The following GREB1L variants were observed in gnomAD, a reference collection of about 807,000 sequenced individuals.
GREB1L encodes the protein GREB1-like protein.
A neutral mutation model predicts 200.8 loss-of-function variants in GREB1L; 17 were observed. The observed-to-expected ratio is 0.08, with a 90% CI of 0.06 to 0.13. The LOEUF (loss-of-function observed/expected upper bound fraction) is 0.13. Ranked by LOEUF, GREB1L falls within the 10% of genes least tolerant of loss-of-function variation. GREB1L has a pLI of 1.00. For synonymous variants in GREB1L, 789 were observed against 893.0 expected, an observed-to-expected ratio of 0.88 and a Z score of 2.08; for missense variants, 1,657 against 2,367.7, an observed-to-expected ratio of 0.70 and a Z score of 6.23.
chr18:21,246,283 CAAT>C (rs1419885485), intron 1 of GREB1L, among the ~76,000 whole-genome samples: 1 of 152,072 alleles, frequency 6.6e-6, no homozygotes, highest in African/African-American at 2.4e-5. Context: ...AGATAAAAAG[CAAT>C]AACACATGAA....
rs1366566081 is a variant in GREB1L, at chr18:21,500,154, A to C, written c.3817A>C (p.Asn1273His). The C allele has an allele frequency of 6.4e-7, 1 of 1,551,466 alleles. No individual in the cohort carries two copies. The highest frequency in any genetic ancestry group is 2.0e-5 in the Admixed American group (1 of 51,000). Reference sequence around the variant, plus strand: ...GGTGAGCTCCCTGCGGCCACTCCTGAACAAGGACATGAGCAGTGAGGAGCA... The same window carrying C: ...GGTGAGCTCCCTGCGGCCACTCCTGCACAAGGACATGAGCAGTGAGGAGCA... ...AWVSSLRPLL[N>H]KDMSSEEQSL... is the part of the protein sequence containing the mutation. Residue 1273 changes from asparagine to histidine, a missense_variant, in exon 22 of 33, where the codon AAC becomes CAC. Coordinates refer to ENST00000424526, the MANE Select transcript of GREB1L (RefSeq NM_001142966.3).
intron 7 of GREB1L, among the ~76,000 whole-genome samples, chr18:21,436,409 G>A (rs774347846): frequency 2.6e-5 from 4 of 152,052 alleles, no homozygotes; most frequent in Non-Finnish European, 4.4e-5. Context: ...CAAGGCAGGA[G>A]GATCATTTGA....
intron 30 of GREB1L, 28 bp from the exon 31 acceptor site, chr18:21,518,006 C>T: frequency 2.0e-6 from 3 of 1,528,474 alleles, no homozygotes; most frequent in Non-Finnish European, 2.7e-6. Flanking sequence ...AGACAAGTTT[C>T]CCATGATCAT....
chr18:21,267,667 T>C (rs1162441336), intron 1 of GREB1L, among the ~76,000 whole-genome samples: 3 of 152,150 alleles, frequency 2.0e-5, no homozygotes, highest in Non-Finnish European at 4.4e-5. Flanking sequence ...AGTTGCTTGA[T>C]TGCCTTATGA....
intron 14 of GREB1L, among the ~76,000 whole-genome samples, chr18:21,454,133 A>G (rs1308959448): frequency 6.6e-6 from 1 of 152,206 alleles, no homozygotes; most frequent in East Asian, 1.9e-4. Context: ...CAATTTTTAA[A>G]TAATACATTT....
intron 6 of GREB1L, chr18:21,401,996 T>A (rs2041336964): frequency 6.6e-6 from 1 of 152,202 alleles, no homozygotes; most frequent in African/African-American, 2.4e-5. Flanking sequence ...ATGTTTTTCC[T>A]GACTATGAAA....
At position 21,370,721 on chromosome 18, in the gene GREB1L, A is replaced by G. The variant is rs192480230; in HGVS notation, c.-10+4585A>G. 3.8e-4 allele frequency among the ~76,000 whole-genome samples: 58 copies of G among 152,266 alleles called. 2 individuals are homozygous for G. Among genetic ancestry groups the G allele is most frequent in the African/African-American group, 1.3e-3 (52 of 41,554 alleles). ...AACTTAAGAAATCTTTTATCTCTCAATCATTGTACATACTCTAGAGTTGTA... is the reference window on the plus strand; with the variant it reads ...AACTTAAGAAATCTTTTATCTCTCAGTCATTGTACATACTCTAGAGTTGTA... On this transcript the variant is annotated intron_variant, in intron 2 of 32. Transcript: ENST00000424526.
intron 1 of GREB1L, among the ~76,000 whole-genome samples, chr18:21,283,720 C>T (rs1448108230): frequency 6.6e-6 from 1 of 152,134 alleles, no homozygotes; most frequent in Non-Finnish European, 1.5e-5. Context: ...CTGGAGTCAA[C>T]GAGTCTGAGA....
At chr18:21,485,362 A>G (rs1462525518) in intron 17 of GREB1L, 1 of 336,146 alleles carries the variant, frequency 3.0e-6, no homozygotes, top group Non-Finnish European at 5.4e-6. Context: ...AAAAAAGAAA[A>G]CAAACCATGT....
intron 1 of GREB1L, among the ~76,000 whole-genome samples, chr18:21,335,666 CTTT>C (rs746907148): frequency 2.2e-5 from 3 of 139,308 alleles, no homozygotes; most frequent in East Asian, 2.1e-4. Flanking sequence ...TTCTTTTTTT[CTTT>C]TTTTTTTTTT....
At chr18:21,490,918 A>G (rs779827574) in intron 19 of GREB1L, among the ~76,000 whole-genome samples, 1 of 152,052 alleles carries the variant, frequency 6.6e-6, no homozygotes, top group African/African-American at 2.4e-5. Context: ...CTTTGGCTGG[A>G]CTGAGACTTT....
intron 1 of GREB1L, among the ~76,000 whole-genome samples, chr18:21,299,911 G>A (rs191342001): frequency 1.3e-5 from 2 of 152,090 alleles, no homozygotes; most frequent in East Asian, 1.9e-4. Context: ...TAAAATAAAT[G>A]TATATTACAT....
At chr18:21,409,787 C>T (rs1040916035) in intron 7 of GREB1L, among the ~76,000 whole-genome samples, 3 of 152,124 alleles carry the variant, frequency 2.0e-5, no homozygotes, top group African/African-American at 7.2e-5. Context: ...CCTTGGTTTC[C>T]TTTCCTCATT....
chr18:21,420,132 G>A (rs546595708), intron 7 of GREB1L, among the ~76,000 whole-genome samples: 6 of 152,300 alleles, frequency 3.9e-5, no homozygotes, highest in African/African-American at 1.4e-4. Flanking sequence ...CAGCACGTTG[G>A]GAGGCCGAGG....
rs111906534 is a variant in GREB1L at position 21,399,453 on chromosome 18, TTGGA to T, written c.533-1659_533-1656del. On this transcript the variant is annotated intron_variant, in intron 5 of 32. Transcript: ENST00000424526. ...GTTGGATGGTTGGATGGATGGATGG[TTGGA>T]TGGATGGATGGATGGATGGATGGAT... 2.2e-3 allele frequency among the ~76,000 whole-genome samples: 318 copies of T among 146,192 alleles called. 1 individual carries two copies. Among genetic ancestry groups the T allele is most frequent in the Non-Finnish European group, 2.8e-3 (187 of 66,464 alleles).
chr18:21,367,128 C>A (rs1226630718), intron 2 of GREB1L, among the ~76,000 whole-genome samples: 1 of 152,122 alleles, frequency 6.6e-6, no homozygotes, highest in African/African-American at 2.4e-5. Context: ...AGTGAGACAC[C>A]ATGGGGTGTA....
chr18:21,517,721 A>G (rs2037468358), intron 30 of GREB1L, among the ~76,000 whole-genome samples: 1 of 152,140 alleles, frequency 6.6e-6, no homozygotes. Context: ...AGTTAGGATG[A>G]GATAGGATTT....
At chr18:21,455,896 CTTTTTTTTTT>C (rs775559267) in intron 15 of GREB1L, among the ~76,000 whole-genome samples, 38 of 97,870 alleles carry the variant, frequency 3.9e-4, no homozygotes, top group Non-Finnish European at 2.3e-4. Context: ...TCTGCATTTG[CTTTTTTTTTT>C]TTTTTTTTTT....
chr18:21,329,977 G>C (rs1177893084), intron 1 of GREB1L, among the ~76,000 whole-genome samples: 1 of 150,574 alleles, frequency 6.6e-6, no homozygotes, highest in Non-Finnish European at 1.5e-5. Context: ...TTTGGGGGGG[G>C]GGGGTCTTTA....
Sources: allele counts gnomAD v4.1 joint callset (sites outside exome capture counted in the v4.1 genomes callset), GRCh38; gene constraint gnomAD v4.1.1; transcripts MANE v1.5; gene names NCBI Gene and HGNC (gene_info 2026-07-23, HGNC 2026-07-21).